TRIM33: variants seen among roughly 807,000 people sequenced by gnomAD.
TRIM33 encodes the protein tripartite motif containing 33.
In TRIM33, 20 loss-of-function variants were observed where a neutral mutation model predicts 125.4. The observed-to-expected ratio is 0.16, with a 90% CI of 0.11 to 0.23. The LOEUF (loss-of-function observed/expected upper bound fraction) is 0.23, where lower values mean the gene tolerates loss of function less well. TRIM33 is among the 10% of genes least tolerant of loss of function. The probability of loss-of-function intolerance (pLI) is 1.00; values close to 1 mark genes in which losing one functional copy is unlikely to be tolerated. For missense variants in TRIM33, 920 were observed against 1,411.4 expected (o/e 0.65, Z 5.58); for synonymous variants, 564 against 513.9 (o/e 1.10, Z -1.32).
intron 4 of TRIM33, among the ~76,000 whole-genome samples, chr1:114,456,202 C>A (rs968764025): frequency 1.3e-5 from 2 of 152,112 alleles, no homozygotes; most frequent in East Asian, 3.8e-4. Flanking sequence ...ACAGAAAGCA[C>A]GTAAGTTCAC....
rs757191738 is a variant in TRIM33, at chr1:114,410,284, A to G, written c.2094T>C (p.Asn698=). The G allele has an allele frequency of 6.2e-7, 1 of 1,613,646 alleles. No individual in the cohort carries two copies. The change falls in exon 12 of 20, where the codon AAT becomes AAC. Residue 698 remains asparagine, a synonymous_variant. Transcript: ENST00000358465. ...LEDAGSSSLD[N]LLSRYISGSH... is the part of the protein sequence containing the mutation. The stretch of plus-strand genomic sequence containing the variant: ...TGCCTGAGATGTATCTACTTAGTAG[A>G]TTATCTAAACTACTTGAGCCAGCAT...
At position 114,511,107 on chromosome 1, in the gene TRIM33, C is replaced by A; in HGVS notation, c.-31G>T. On this transcript the variant is annotated 5_prime_UTR_variant, in exon 1 of 20. Transcript: ENST00000358465. ...CCTCTTTGAACCCGCCGGACCGCCC[C>A]GCGCCGCCCGCCGCCCGCGTCGCCG... is the stretch of plus-strand genomic sequence containing the variant. 8.7e-7 allele frequency: 1 copy of A among 1,145,644 alleles called. No homozygotes were observed. The allele number at this position is 1,145,644 out of a possible 1,614,324, so 71.0% of individuals were successfully genotyped here.
chr1:114,484,540 A>T (rs1651555007), intron 1 of TRIM33, among the ~76,000 whole-genome samples: 1 of 152,050 alleles, frequency 6.6e-6, no homozygotes, highest in Non-Finnish European at 1.5e-5. Context: ...CAGCCTGGTC[A>T]ACATGGTGAA....
rs1653122882 is a variant in TRIM33 at position 114,508,256 on chromosome 1, G to T, written c.526+2295C>A. ...TACTCCCCCTCCTTCAAAAAGAAAGGATAAAGAAATGAAGAGGGGATTTAC... is the reference window on the plus strand; with the variant it reads ...TACTCCCCCTCCTTCAAAAAGAAAGTATAAAGAAATGAAGAGGGGATTTAC... On this transcript the variant is annotated intron_variant, in intron 1 of 19. Coordinates refer to ENST00000358465, the MANE Select transcript of TRIM33 (RefSeq NM_015906.4). 2.6e-5 allele frequency among the ~76,000 whole-genome samples: 4 copies of T among 152,098 alleles called. No homozygotes were observed. In the South Asian group the frequency reaches 8.3e-4, roughly 31 times the overall value.
intron 15 of TRIM33, 198 bp downstream of exon 15, chr1:114,405,212 T>C (rs991064685): frequency 1.5e-5 from 8 of 517,252 alleles, no homozygotes; most frequent in Non-Finnish European, 2.4e-5. Context: ...AAATCTACTC[T>C]TTAACATTAA....
intron 5 of TRIM33, among the ~76,000 whole-genome samples, chr1:114,432,400 T>C (rs1248502250): frequency 1.3e-5 from 2 of 152,198 alleles, no homozygotes; most frequent in East Asian, 3.8e-4. Context: ...CAACTGAACA[T>C]TTCCAAAAAC....
rs1651596771 is a variant in TRIM33 at position 114,397,436 on chromosome 1, GCAAA to G, written c.*208_*211del. 1.8e-6 allele frequency: 1 copy of G among 544,724 alleles called. No individual in the cohort carries two copies. The highest frequency in any genetic ancestry group is 3.2e-6 in the Non-Finnish European group (1 of 308,898). 33.7% of individuals were successfully genotyped at this position (544,724 alleles called of 1,614,324 possible). ...ACTTTTGCTTTTTGCTTTGAAACTTGCAAACAGACTTCTCTCCCCCTTTCTTGAC... is the reference window on the plus strand; with the variant it reads ...ACTTTTGCTTTTTGCTTTGAAACTTGCAGACTTCTCTCCCCCTTTCTTGAC... On this transcript the variant is annotated 3_prime_UTR_variant, in exon 20 of 20. Transcript: ENST00000358465.
intron 18 of TRIM33, 83 bp from the exon 19 acceptor site, chr1:114,398,073 GA>G: frequency 1.4e-6 from 2 of 1,444,076 alleles, no homozygotes; most frequent in Non-Finnish European, 1.9e-6. Flanking sequence ...GATTGGCGAC[GA>G]AAAGTCAGCC....
At chr1:114,449,270 T>C (rs1171585896) in intron 4 of TRIM33, among the ~76,000 whole-genome samples, 3 of 152,022 alleles carry the variant, frequency 2.0e-5, no homozygotes, top group East Asian at 3.9e-4. Flanking sequence ...AGAAGCAGTG[T>C]CCATTATGCC....
At chr1:114,401,553 G>C in intron 16 of TRIM33, 90 bp from the exon 17 acceptor site, 3 of 1,081,226 alleles carry the variant, frequency 2.8e-6, no homozygotes, top group Non-Finnish European at 4.1e-6. Context: ...AACAAAGTTT[G>C]ATTACAACAA....
At chr1:114,406,814 T>C in intron 14 of TRIM33, 127 bp downstream of exon 14, 1 of 885,772 alleles carries the variant, frequency 1.1e-6, no homozygotes, top group South Asian at 2.3e-5. Context: ...ATATCTGGCT[T>C]GTGCCAGGCA....
In TRIM33 at chr1:114,405,577, G is replaced by A. The variant is rs1199220928; in HGVS notation, c.2601C>T (p.Leu867=). ...LVNGKSPIRS[L]MHRSARIGGD... The stretch of plus-strand genomic sequence containing the variant: ...CTCCAATCCTTGCCGACCTGTGCAT[G>A]AGGCTTCGAATTGGGGACTTTCCAT... Residue 867 remains leucine (L), a synonymous_variant, in exon 15 of 20, where the codon CTC becomes CTT. Coordinates refer to ENST00000358465, the MANE Select transcript of TRIM33 (RefSeq NM_015906.4). 4 of 1,614,192 alleles carry A rather than the reference G, an allele frequency of 2.5e-6. No individual in the cohort carries two copies. The highest frequency in any genetic ancestry group is 3.4e-6 in the Non-Finnish European group (4 of 1,180,032).
intron 1 of TRIM33, among the ~76,000 whole-genome samples, chr1:114,471,831 A>G (rs951678807): frequency 6.6e-6 from 1 of 152,218 alleles, no homozygotes; most frequent in African/African-American, 2.4e-5. Context: ...CAAAAATGGA[A>G]AACATGTTAT....
chr1:114,407,010 A>T lies in TRIM33; in HGVS notation c.2349T>A (p.Asp783Glu). 6.2e-7 allele frequency: 1 copy of T among 1,614,042 alleles called. No individual in the cohort carries two copies. Among genetic ancestry groups the T allele is most frequent in the Non-Finnish European group, 8.5e-7 (1 of 1,179,936 alleles). Reference sequence around the variant, plus strand: ...CACCTCCTGAAAAGCTACATATTTCATCTTCAGTCCCAGGTTCTTGCTTGA... The same window carrying T: ...CACCTCCTGAAAAGCTACATATTTCTTCTTCAGTCCCAGGTTCTTGCTTGA... ...VKVKQEPGTE[D>E]EICSFSGGVK... The change falls in exon 14 of 20, where the codon GAT (aspartate) becomes GAA (glutamate). Residue 783 changes from aspartate (D) to glutamate (E), a missense_variant. Asp to Glu is a conservative substitution (Grantham distance 45). Transcript: ENST00000358465.
chr1:114,478,394 G>C (rs1186037416), intron 1 of TRIM33, among the ~76,000 whole-genome samples: 4 of 152,060 alleles, frequency 2.6e-5, no homozygotes, highest in African/African-American at 9.7e-5. Context: ...ACCTGGGTTG[G>C]GGGTCACACA....
intron 1 of TRIM33, 63 bp from the exon 2 acceptor site, chr1:114,464,451 TC>T: frequency 1.1e-6 from 1 of 921,374 alleles, no homozygotes. Context: ...GTGCATGATG[TC>T]CATATAGAAA....
chr1:114,409,480 A>C lies in TRIM33; in HGVS notation c.2194+704T>G, dbSNP rs138292029. 4.2e-3 allele frequency among the ~76,000 whole-genome samples: 633 copies of C among 152,252 alleles called. 2 individuals carry two copies. Among genetic ancestry groups the C allele is most frequent in the African/African-American group, 0.014 (598 of 41,544 alleles). ...TTTTTCAATGTTTCATTATTTTACT[A>C]AGTGTTTTAAAGTTGACTTGGAACC... is the stretch of plus-strand genomic sequence containing the variant. On this transcript the variant is annotated intron_variant, in intron 12 of 19. Coordinates refer to ENST00000358465, the MANE Select transcript of TRIM33 (RefSeq NM_015906.4).
At chr1:114,443,066 C>A (rs983718867) in intron 4 of TRIM33, among the ~76,000 whole-genome samples, 2 of 151,612 alleles carry the variant, frequency 1.3e-5, no homozygotes, top group Non-Finnish European at 2.9e-5. Context: ...CTCTCTTCCT[C>A]TCTCCCTTTT....
At position 114,397,593 on chromosome 1, in the gene TRIM33, TTTTTTTTTTTTTCG is replaced by T; in HGVS notation, c.*41_*54del. On this transcript the variant is annotated 3_prime_UTR_variant, in exon 20 of 20. Transcript: ENST00000358465. ...AAAGTTTTCTGGGTTTTTTGTGTTT[TTTTTTTTTTTTTCG>T]TTTTTTTTTTTTTAAACAATTGATT... 3 of 1,039,202 alleles carry T rather than the reference TTTTTTTTTTTTTCG, an allele frequency of 2.9e-6. No individual in the cohort carries two copies. The highest frequency in any genetic ancestry group is 1.7e-5 in the African/African-American group (1 of 60,466). 64.4% of individuals were successfully genotyped at this position (1,039,202 alleles called of 1,614,324 possible).
Sources: allele counts gnomAD v4.1 joint callset (sites outside exome capture counted in the v4.1 genomes callset), GRCh38; gene constraint gnomAD v4.1.1; transcripts MANE v1.5; gene names NCBI Gene and HGNC (gene_info 2026-07-23, HGNC 2026-07-21).